SHB: variants seen among roughly 807,000 people sequenced by gnomAD.
SHB encodes the protein SH2 domain-containing adapter protein B.
SHB carries 20 observed loss-of-function variants against 52.3 expected under a neutral mutation model. The ratio of observed to expected loss-of-function variants is 0.38; its 90% CI spans 0.27 to 0.56. The LOEUF is 0.56. Among genes scored for constraint, SHB ranks in the 20% least tolerant of loss-of-function variants. The pLI is 0.71. For missense variants in SHB, 825 were observed against 723.3 expected (o/e 1.14, Z -1.61); for synonymous variants, 397 against 316.5 (o/e 1.25, Z -2.70).
rs12005004 is a variant in SHB at position 37,937,642 on chromosome 9, T to C, written c.1346+10993A>G. 8.0e-3 allele frequency among the ~76,000 whole-genome samples: 1,216 copies of C among 152,334 alleles called. 17 individuals carry two copies. The highest frequency in any genetic ancestry group is 0.028 in the African/African-American group (1,150 of 41,574). On this transcript the variant is annotated intron_variant, in intron 5 of 5. Transcript: ENST00000377707. Reference sequence around the variant, plus strand: ...GGCGCCTGCGTGCGAGTGTGCCGCATACACAACAAAACCTCATTTTATAGC... The same window carrying C: ...GGCGCCTGCGTGCGAGTGTGCCGCACACACAACAAAACCTCATTTTATAGC...
Position 38,068,047 on chromosome 9 carries a change from A to T in SHB, c.599T>A (p.Leu200Gln). 6.7e-7 allele frequency: 1 copy of T among 1,502,712 alleles called. No individual in the cohort carries two copies. The highest frequency in any genetic ancestry group is 8.8e-7 in the Non-Finnish European group (1 of 1,134,344). The allele number at this position is 1,502,712 out of a possible 1,614,324, so 93.1% of individuals were successfully genotyped here. A position where few individuals can be genotyped will look rare whatever the true frequency, so the allele number is the denominator to read the frequency against. Reference sequence around the variant, plus strand: ...GCGGCCGCCCGCGCAGGCGCCCCCCAGGGGGTCCCCGGCCCCACCGCCCGC... The same window carrying T: ...GCGGCCGCCCGCGCAGGCGCCCCCCTGGGGGTCCCCGGCCCCACCGCCCGC... ...SAAGGGAGDP[L>Q]GGACAGGRTW... Residue 200 changes from leucine (L) to glutamine (Q), a missense_variant, in exon 1 of 6, where the codon CTG becomes CAG. Coordinates refer to ENST00000377707, the MANE Select transcript of SHB (RefSeq NM_003028.3).
chr9:37,953,182 C>G (rs920316989), intron 4 of SHB, among the ~76,000 whole-genome samples: 1 of 151,920 alleles, frequency 6.6e-6, no homozygotes, highest in Non-Finnish European at 1.5e-5. Flanking sequence ...GTCTGGGGAC[C>G]GGGGCAGAAA....
intron 2 of SHB, among the ~76,000 whole-genome samples, chr9:38,006,918 G>A (rs1488286988): frequency 6.6e-6 from 1 of 152,150 alleles, no homozygotes; most frequent in African/African-American, 2.4e-5. Context: ...TGGCCCTGGG[G>A]ACAAGTCTCC....
chr9:38,061,107 G>A (rs1405365883), intron 1 of SHB, among the ~76,000 whole-genome samples: 4 of 152,098 alleles, frequency 2.6e-5, no homozygotes, highest in Admixed American at 2.6e-4. Context: ...CAAGGCAGAC[G>A]GATCACTTGA....
chr9:37,988,016 C>T (rs1260375338), intron 2 of SHB, among the ~76,000 whole-genome samples: 1 of 152,176 alleles, frequency 6.6e-6, no homozygotes, highest in Non-Finnish European at 1.5e-5. Flanking sequence ...AGTAGCCCCA[C>T]CTGTATACCT....
At chr9:38,002,273 T>C (rs534842340) in intron 2 of SHB, among the ~76,000 whole-genome samples, 1 of 152,272 alleles carries the variant, frequency 6.6e-6, no homozygotes, top group East Asian at 1.9e-4. Flanking sequence ...TTGGAAGAAA[T>C]TAGAGAAATG....
intron 2 of SHB, among the ~76,000 whole-genome samples, chr9:37,997,527 C>T (rs558850290): frequency 1.3e-5 from 2 of 152,292 alleles, no homozygotes; most frequent in South Asian, 4.1e-4. Flanking sequence ...AAGTAAAGCC[C>T]AAGACATGTC....
In SHB at chr9:38,007,490, G is replaced by A. The variant is rs115889626; in HGVS notation, c.838+8521C>T. ...ACGCCCACCCAACTCCCACCCTGAC[G>A]CCAAGGCAGCCTCCCTGCCCACCTA... On this transcript the variant is annotated intron_variant, in intron 2 of 5. Transcript: ENST00000377707. Among the ~76,000 whole-genome samples, 1,019 of 151,946 alleles carry A rather than the reference G, an allele frequency of 6.7e-3. 15 individuals carry two copies. The highest frequency in any genetic ancestry group is 0.024 in the African/African-American group (977 of 41,490).
intron 5 of SHB, among the ~76,000 whole-genome samples, chr9:37,942,802 T>C (rs538800790): frequency 1.0e-3 from 154 of 152,258 alleles, no homozygotes; most frequent in African/African-American, 3.6e-3. Context: ...CTGGGATGCC[T>C]GCCCACGTGC....
At chr9:38,018,739 G>C (rs1821248030) in intron 1 of SHB, among the ~76,000 whole-genome samples, 1 of 152,182 alleles carries the variant, frequency 6.6e-6, no homozygotes, top group South Asian at 2.1e-4. Flanking sequence ...TAGGAGAGTT[G>C]AGCAGGCAGT....
At chr9:37,939,297 A>G (rs966099879) in intron 5 of SHB, among the ~76,000 whole-genome samples, 5 of 152,258 alleles carry the variant, frequency 3.3e-5, no homozygotes, top group African/African-American at 1.2e-4. Context: ...GAGAAGGGTC[A>G]GGAAAGAACA....
rs529658720 is a variant in SHB, at chr9:38,041,057, G to A, written c.718-24926C>T. ...AGGTCTGAGGACATTTGTCCTTACC[G>A]AAGTCCTCTTCTCCAGGCTAACAAG... On this transcript the variant is annotated intron_variant, in intron 1 of 5. Transcript: ENST00000377707. Among the ~76,000 whole-genome samples the A allele has an allele frequency of 1.8e-4, 28 of 152,140 alleles. No homozygotes were observed. In the South Asian group the frequency reaches 2.9e-3, roughly 16 times the overall value.
At chr9:37,991,792 T>C (rs76281714) in intron 2 of SHB, among the ~76,000 whole-genome samples, 2,109 of 152,260 alleles carry the variant, frequency 0.014, 18 homozygotes, top group Middle Eastern at 0.034. Flanking sequence ...CAAACTGAGA[T>C]GGATGATAAC....
intron 2 of SHB, among the ~76,000 whole-genome samples, chr9:37,998,315 A>G (rs191069397): frequency 6.7e-4 from 102 of 152,244 alleles, no homozygotes; most frequent in Admixed American, 2.7e-3. Context: ...AGGACTCCAT[A>G]AACGGTAAAC....
At chr9:38,000,181 G>A (rs1228925023) in intron 2 of SHB, among the ~76,000 whole-genome samples, 1 of 152,236 alleles carries the variant, frequency 6.6e-6, no homozygotes, top group Non-Finnish European at 1.5e-5. Context: ...AAGTCAGCGA[G>A]AATTGCTGCT....
intron 5 of SHB, among the ~76,000 whole-genome samples, chr9:37,925,956 CCTGGGAGCA>C (rs1832246197): frequency 6.6e-6 from 1 of 152,098 alleles, no homozygotes; most frequent in African/African-American, 2.4e-5. Context: ...CACTCTGATC[CCTGGGAGCA>C]CTGCCTCTAT....
At chr9:38,009,643 A>T (rs1276113472) in intron 2 of SHB, among the ~76,000 whole-genome samples, 2 of 152,254 alleles carry the variant, frequency 1.3e-5, no homozygotes, top group Non-Finnish European at 2.9e-5. Context: ...CCCAGAGAGC[A>T]TGTTGCCACT....
At chr9:37,980,707 C>T (rs903599196) in intron 2 of SHB, among the ~76,000 whole-genome samples, 26 of 152,292 alleles carry the variant, frequency 1.7e-4, no homozygotes, top group African/African-American at 5.8e-4. Flanking sequence ...CAGCTATAGC[C>T]TTATGAGATG....
At chr9:37,974,959 A>AGGG in intron 2 of SHB, 122 bp from the exon 3 acceptor site, 2 of 835,456 alleles carry the variant, frequency 2.4e-6, no homozygotes, top group Non-Finnish European at 3.9e-6. Context: ...ACAGAGAGAC[A>AGGG]GACCCCTGTC....
Sources: gnomAD v4.1 joint callset for allele counts (sites outside exome capture counted in the v4.1 genomes callset) on GRCh38, gnomAD v4.1.1 for gene constraint, MANE v1.5 for transcripts, NCBI Gene and HGNC (gene_info 2026-07-23, HGNC 2026-07-21) for gene names.